DCTN3: variants seen among roughly 807,000 people sequenced by gnomAD.
DCTN3 encodes the protein dynactin 3 (p22).
A neutral mutation model predicts 28.4 loss-of-function variants in DCTN3; 25 were observed. The observed-to-expected ratio is 0.88, with a 90% CI of 0.64 to 1.23. The LOEUF is 1.23. DCTN3 is among the 50% of genes most tolerant of loss of function. The pLI is 0.00. For synonymous variants in DCTN3, 81 were observed against 91.4 expected (o/e 0.89, Z 0.65); for missense variants, 229 against 232.0 (o/e 0.99, Z 0.08).
chr9:34,620,109 C>A (rs893642953), intron 1 of DCTN3, among the ~76,000 whole-genome samples: 1 of 152,202 alleles, frequency 6.6e-6, no homozygotes, highest in Non-Finnish European at 1.5e-5. Context: ...CAGGTCTCCC[C>A]AACTATAGCT....
In DCTN3 at chr9:34,620,431, C is replaced by A; in HGVS notation, c.34G>T (p.Ala12Ser). The A allele has an allele frequency of 6.4e-7, 1 of 1,559,276 alleles. No homozygotes were observed. The highest frequency in any genetic ancestry group is 1.2e-5 in the South Asian group (1 of 85,208). Residue 12 changes from alanine (A) to serine (S), a missense_variant, in exon 1 of 7, where the codon GCC becomes TCC. By Grantham distance (99) the Ala-to-Ser change is moderately conservative (BLOSUM62 1). Transcript: ENST00000259632. ...AGLTDLQRLQ[A>S]RVEELERWVY... is the part of the protein sequence containing the mutation. ...CAGCGCTCCAGCTCTTCCACTCGGG[C>A]CTGTAGCCGCTGCAAGTCAGTCAGA...
intron 4 of DCTN3, chr9:34,615,663 G>A (rs1419606659): frequency 5.8e-6 from 1 of 171,556 alleles, no homozygotes; most frequent in Non-Finnish European, 1.2e-5. Flanking sequence ...TGTAATCCCA[G>A]CACTCTGAGA....
chr9:34,620,414 C>T lies in DCTN3; in HGVS notation c.51G>A (p.Leu17=). ...CGCCCGGCCCGTACACCCAGCGCTC[C>T]AGCTCTTCCACTCGGGCCTGTAGCC... The part of the protein sequence containing the change: ...LQRLQARVEE[L]ERWVYGPGGA... Residue 17 remains leucine, a synonymous_variant, in exon 1 of 7, where the codon CTG becomes CTA. Coordinates refer to ENST00000259632, the MANE Select transcript of DCTN3 (RefSeq NM_007234.5). The T allele has an allele frequency of 6.4e-7, 1 of 1,570,972 alleles. No homozygotes were observed. The highest frequency in any genetic ancestry group is 1.9e-5 in the Admixed American group (1 of 53,470).
At chr9:34,613,919 T>A in intron 6 of DCTN3, 48 bp from the exon 7 acceptor site, 1 of 1,613,780 alleles carries the variant, frequency 6.2e-7, no homozygotes, top group Non-Finnish European at 8.5e-7. Context: ...AGGAAGTTCA[T>A]GGAAAGTGGG....
At chr9:34,615,899 C>CAAAAAA in intron 4 of DCTN3, 131 bp downstream of exon 4, 4 of 449,610 alleles carry the variant, frequency 8.9e-6, no homozygotes, top group South Asian at 5.5e-5. Flanking sequence ...CGACTCTGTC[C>CAAAAAA]AAAAAAAAAA....
intron 3 of DCTN3, 101 bp downstream of exon 3, chr9:34,617,784 C>T (rs1170963152): frequency 6.4e-7 from 1 of 1,558,700 alleles, no homozygotes; most frequent in East Asian, 2.4e-5. Flanking sequence ...GCATCCAGGG[C>T]TTGTATCCAC....
chr9:34,615,958 C>A, intron 4 of DCTN3, 72 bp downstream of exon 4: 1 of 1,258,378 alleles, frequency 7.9e-7, no homozygotes, highest in Non-Finnish European at 1.1e-6. Flanking sequence ...ACCTGAAACA[C>A]AGGAAAGTCT....
At chr9:34,614,881 A>C in intron 4 of DCTN3, 113 bp from the exon 5 acceptor site, 4 of 1,290,630 alleles carry the variant, frequency 3.1e-6, no homozygotes, top group Non-Finnish European at 4.4e-6. Context: ...AGCTAAACAA[A>C]CGCCAGACTT....
intron 5 of DCTN3, chr9:34,614,445 T>C (rs1035274175): frequency 3.2e-6 from 2 of 615,530 alleles, no homozygotes; most frequent in Middle Eastern, 4.4e-4. Flanking sequence ...GTCAATGACA[T>C]ACCATCCCCA....
chr9:34,614,795 A>G (rs749985704), intron 4 of DCTN3, 27 bp from the exon 5 acceptor site: 3 of 1,613,504 alleles, frequency 1.9e-6, no homozygotes, highest in African/African-American at 2.7e-5. Context: ...ACACTGCTGG[A>G]TGATGCTTGT....
In DCTN3 at chr9:34,613,616, T is replaced by C. The variant is rs1820352035; in HGVS notation, c.*166A>G. Reference sequence around the variant, plus strand: ...TTGGGGGGAGGGTGGGTGTTGCAAATTGCAAACCTCAGGTAACCTGACCTC... The same window carrying C: ...TTGGGGGGAGGGTGGGTGTTGCAAACTGCAAACCTCAGGTAACCTGACCTC... On this transcript the variant is annotated 3_prime_UTR_variant, in exon 7 of 7. Transcript: ENST00000259632. 1.3e-6 allele frequency: 1 copy of C among 798,752 alleles called. No individual in the cohort carries two copies. The highest frequency in any genetic ancestry group is 1.8e-5 in the South Asian group (1 of 55,930). 49.5% of individuals were successfully genotyped at this position (798,752 alleles called of 1,614,324 possible). A position where few individuals can be genotyped will look rare whatever the true frequency, so the allele number is the denominator to read the frequency against.
rs934283482 is a variant in DCTN3, at chr9:34,616,256, C to T, written c.269-143G>A. On this transcript the variant is annotated intron_variant, in intron 3 of 6. Coordinates refer to ENST00000259632, the MANE Select transcript of DCTN3 (RefSeq NM_007234.5). The surrounding 1 kb of genome is among the most constrained non-coding windows in gnomAD (Gnocchi z 4.7). ...GTGACTCTGTCCACTGCCCCCTTCTCTAGGTGCACATTTCCATCCTGCCCC... is the reference window on the plus strand; with the variant it reads ...GTGACTCTGTCCACTGCCCCCTTCTTTAGGTGCACATTTCCATCCTGCCCC... The T allele has an allele frequency of 2.3e-5, 14 of 617,580 alleles. No homozygotes were observed. The highest frequency in any genetic ancestry group is 1.7e-4 in the African/African-American group (9 of 54,222). 38.3% of individuals were successfully genotyped at this position (617,580 alleles called of 1,614,324 possible). A position where few individuals can be genotyped will look rare whatever the true frequency, so the allele number is the denominator to read the frequency against.
chr9:34,617,256 G>A (rs1221088962), intron 3 of DCTN3, among the ~76,000 whole-genome samples: 1 of 152,180 alleles, frequency 6.6e-6, no homozygotes, highest in Non-Finnish European at 1.5e-5. Flanking sequence ...CCCTGAAGCA[G>A]GGACCCTGTC....
In DCTN3 at chr9:34,620,448, T is replaced by C; in HGVS notation, c.17A>G (p.Asp6Gly). 3 of 1,553,378 alleles carry C rather than the reference T, an allele frequency of 1.9e-6. No individual in the cohort carries two copies. The highest frequency in any genetic ancestry group is 2.6e-6 in the Non-Finnish European group (3 of 1,149,100). The change falls in exon 1 of 7, where the codon GAC becomes GGC. Residue 6 changes from aspartate (D) to glycine (G), a missense_variant. Transcript: ENST00000259632. MAGLT[D>G]LQRLQARVEE... ...CACTCGGGCCTGTAGCCGCTGCAAG[T>C]CAGTCAGACCCGCCATCGCTACTAC...
intron 2 of DCTN3, 149 bp downstream of exon 2, chr9:34,618,527 A>G (rs1025243509): frequency 9.0e-6 from 6 of 667,538 alleles, no homozygotes; most frequent in African/African-American, 3.6e-5. Flanking sequence ...CAATTTACCA[A>G]TTGAATTGGG....
chr9:34,620,311 G>T, intron 1 of DCTN3, 58 bp downstream of exon 1: 1 of 1,506,816 alleles, frequency 6.6e-7, no homozygotes, highest in Non-Finnish European at 9.2e-7. Flanking sequence ...CCGAGGGCCA[G>T]GACAGTGGAC....
At chr9:34,617,772 C>T in intron 3 of DCTN3, 113 bp downstream of exon 3, 1 of 1,540,874 alleles carries the variant, frequency 6.5e-7, no homozygotes, top group Non-Finnish European at 8.8e-7. Context: ...TTCCAGAGAG[C>T]AGCATCCAGG....
Position 34,615,987 on chromosome 9 carries a change from C to T in DCTN3, c.352+43G>A, listed in dbSNP as rs771077800. The T allele has an allele frequency of 2.6e-6, 4 of 1,554,146 alleles. No homozygotes were observed. In the South Asian group the frequency reaches 4.5e-5, roughly 17 times the overall value. On this transcript the variant is annotated intron_variant, in intron 4 of 6. Transcript: ENST00000259632. ...AAAGTCTTGCCCATCCATCCACCTA[C>T]CTCCCCAACCAGAGTAGTGAAGCTA... is the stretch of plus-strand genomic sequence containing the variant.
At chr9:34,614,152 T>G in intron 5 of DCTN3, 51 bp from the exon 6 acceptor site, 1 of 1,613,900 alleles carries the variant, frequency 6.2e-7, no homozygotes, top group South Asian at 1.1e-5. Context: ...GCCCACATCT[T>G]CCACTAAACT....
Sources: gnomAD v4.1 joint callset for allele counts (sites outside exome capture counted in the v4.1 genomes callset) on GRCh38, gnomAD v4.1.1 for gene constraint, Gnocchi (gnomAD v3.1) non-coding constraint, MANE v1.5 for transcripts, NCBI Gene and HGNC (gene_info 2026-07-23, HGNC 2026-07-21) for gene names.